EXOC6: variants seen among roughly 807,000 people sequenced by gnomAD.
EXOC6 encodes SEC15-like 1.
In EXOC6, 60 loss-of-function variants were observed where a neutral mutation model predicts 112.5. The ratio of observed to expected loss-of-function variants is 0.53; its 90% confidence interval spans 0.43 to 0.66. The LOEUF is 0.66. Ranked by LOEUF, EXOC6 falls within the 30% of genes least tolerant of loss-of-function variation. The pLI is 0.00. For missense variants in EXOC6, 855 were observed against 957.1 expected (o/e 0.89, Z 1.41); for synonymous variants, 295 against 308.0 (o/e 0.96, Z 0.44).
chr10:93,041,585 T>G (rs1258459586), intron 20 of EXOC6, among the ~76,000 whole-genome samples: 1 of 151,972 alleles, frequency 6.6e-6, no homozygotes, highest in African/African-American at 2.4e-5. Context: ...TAATTTTTTT[T>G]GTATTTTTAA....
intron 1 of EXOC6, chr10:92,834,893 A>G: frequency 2.4e-6 from 2 of 846,292 alleles, no homozygotes; most frequent in Non-Finnish European, 3.8e-6. Flanking sequence ...CCTGCTTTTT[A>G]TAATTCTTTA....
At position 93,058,811 on chromosome 10, in the gene EXOC6, T is replaced by G. The variant is rs753032839; in HGVS notation, c.*456T>G. 6.6e-6 allele frequency: 1 copy of G among 152,260 alleles called. No homozygotes were observed. Among genetic ancestry groups the G allele is most frequent in the Non-Finnish European group, 1.5e-5 (1 of 68,076 alleles). 9.4% of individuals were successfully genotyped at this position (152,260 alleles called of 1,614,324 possible). ...GCTTTTATTTTCACCTCAATGTGATTTAAGCAGACCAAAATTTCTAATTCT... is the reference window on the plus strand; with the variant it reads ...GCTTTTATTTTCACCTCAATGTGATGTAAGCAGACCAAAATTTCTAATTCT... On this transcript the variant is annotated 3_prime_UTR_variant, in exon 22 of 22. Transcript: ENST00000260762.
upstream of EXOC6, among the ~76,000 whole-genome samples, chr10:92,833,758 G>A (rs1846566321): frequency 6.6e-6 from 1 of 152,190 alleles, no homozygotes; most frequent in African/African-American, 2.4e-5. Flanking sequence ...TGTATTTCTT[G>A]TATTAAGCAA....
At chr10:92,877,221 A>G (rs1848721048) in intron 1 of EXOC6, among the ~76,000 whole-genome samples, 1 of 152,202 alleles carries the variant, frequency 6.6e-6, no homozygotes, top group Non-Finnish European at 1.5e-5. Context: ...ATCAGCAATG[A>G]ATGTATTACT....
At chr10:92,950,178 A>G (rs186192086) in intron 14 of EXOC6, among the ~76,000 whole-genome samples, 1 of 152,128 alleles carries the variant, frequency 6.6e-6, no homozygotes, top group Non-Finnish European at 1.5e-5. Flanking sequence ...CAACTGAAAA[A>G]TAAATCTCAT....
intron 14 of EXOC6, 31 bp from the exon 15 acceptor site, chr10:92,952,242 C>A (rs747559475): frequency 3.5e-6 from 5 of 1,422,006 alleles, no homozygotes; most frequent in South Asian, 1.2e-5. Flanking sequence ...TCTAAAATTT[C>A]AAAAACAATA....
chr10:92,855,123 G>T (rs567934856), intron 1 of EXOC6, among the ~76,000 whole-genome samples: 1 of 152,168 alleles, frequency 6.6e-6, no homozygotes, highest in South Asian at 2.1e-4. Context: ...TCACTGTGTT[G>T]CCCAGACTGA....
At chr10:92,938,926 A>G (rs1852504929) in intron 12 of EXOC6, among the ~76,000 whole-genome samples, 1 of 152,154 alleles carries the variant, frequency 6.6e-6, no homozygotes, top group Non-Finnish European at 1.5e-5. Flanking sequence ...GTTTTGAAGG[A>G]TGAGTTCAGC....
At chr10:92,877,853 A>G (rs1848750190) in intron 1 of EXOC6, among the ~76,000 whole-genome samples, 1 of 152,234 alleles carries the variant, frequency 6.6e-6, no homozygotes, top group Non-Finnish European at 1.5e-5. Flanking sequence ...TTTTGTCATT[A>G]GGAAAAGGAT....
intron 8 of EXOC6, among the ~76,000 whole-genome samples, chr10:92,926,063 A>C (rs535058347): frequency 2.4e-4 from 37 of 151,870 alleles, no homozygotes; most frequent in Admixed American, 6.6e-4. Flanking sequence ...AAAAAAAAAA[A>C]AAAACAAATG....
At chr10:93,023,246 C>T (rs1488792318) in intron 20 of EXOC6, among the ~76,000 whole-genome samples, 4 of 152,050 alleles carry the variant, frequency 2.6e-5, no homozygotes, top group African/African-American at 9.7e-5. Context: ...ATTTGCTGTT[C>T]TGAATAGAGG....
intron 21 of EXOC6, among the ~76,000 whole-genome samples, chr10:93,057,473 GA>G (rs533360205): frequency 6.8e-5 from 10 of 147,744 alleles, no homozygotes; most frequent in South Asian, 2.1e-4. Flanking sequence ...TATGTGATTT[GA>G]AAAAAAAAAT....
rs556747907 is a variant in EXOC6 at position 92,869,600 on chromosome 10, G to A, written c.101+20966G>A. Reference sequence around the variant, plus strand: ...ATTGGGATTGTAGATGTGAGCCACCGTGCCTAGACAGGGGCCTTACATTGT... The same window carrying A: ...ATTGGGATTGTAGATGTGAGCCACCATGCCTAGACAGGGGCCTTACATTGT... On this transcript the variant is annotated intron_variant, in intron 1 of 21. Transcript: ENST00000260762. Among the ~76,000 whole-genome samples, 121 of 152,198 alleles carry A rather than the reference G, an allele frequency of 8.0e-4. No homozygotes were observed. The Middle Eastern group carries it at 0.01, about 13-fold the overall frequency.
intron 18 of EXOC6, 75 bp from the exon 19 acceptor site, chr10:92,997,385 AATGCCAGGTGTATG>A: frequency 7.9e-7 from 1 of 1,266,998 alleles, no homozygotes. Context: ...CAACAAAAAG[AATGCCAGGTGTATG>A]ATTTTTCTGA....
At chr10:93,031,264 A>G (rs1249924853) in intron 20 of EXOC6, among the ~76,000 whole-genome samples, 1 of 151,978 alleles carries the variant, frequency 6.6e-6, no homozygotes, top group Non-Finnish European at 1.5e-5. Context: ...TTAAAAAAAA[A>G]GTCATTTTGT....
intron 1 of EXOC6, among the ~76,000 whole-genome samples, chr10:92,858,678 G>T (rs1847747720): frequency 6.6e-6 from 1 of 152,056 alleles, no homozygotes; most frequent in Non-Finnish European, 1.5e-5. Context: ...CTTCTTTTTA[G>T]TTCTGTGAGC....
intron 1 of EXOC6, among the ~76,000 whole-genome samples, chr10:92,864,851 G>T (rs1353988288): frequency 6.6e-6 from 1 of 152,104 alleles, no homozygotes; most frequent in African/African-American, 2.4e-5. Flanking sequence ...TGGTTCTCCA[G>T]CTTGCAGACG....
At chr10:92,992,577 C>T (rs542278708) in intron 18 of EXOC6, among the ~76,000 whole-genome samples, 1 of 152,072 alleles carries the variant, frequency 6.6e-6, no homozygotes, top group South Asian at 2.1e-4. Context: ...TACATTTGAA[C>T]AAGATGTTCC....
In EXOC6 at chr10:92,848,602, C is replaced by T. The variant is rs1343985258; in HGVS notation, c.69C>T (p.Ser23=). ...AGCGGATCTTGCAGGAGATCGAGAG[C>T]ACCGACACCGCCTGTGTGGGGCCCA... ...EHERILQEIE[S]TDTACVGPTL... The change falls in exon 1 of 22, where the codon AGC becomes AGT. Residue 23 remains serine, a synonymous_variant. Coordinates refer to ENST00000260762, the MANE Select transcript of EXOC6 (RefSeq NM_019053.6). 3 of 1,451,626 alleles carry T rather than the reference C, an allele frequency of 2.1e-6. No individual in the cohort carries two copies. The highest frequency in any genetic ancestry group is 2.0e-5 in the Admixed American group (1 of 49,216). 89.9% of individuals were successfully genotyped at this position (1,451,626 alleles called of 1,614,324 possible).
Sources: gnomAD v4.1 joint callset for allele counts (sites outside exome capture counted in the v4.1 genomes callset) on GRCh38, gnomAD v4.1.1 for gene constraint, MANE v1.5 for transcripts, NCBI Gene and HGNC (gene_info 2026-07-23, HGNC 2026-07-21) for gene names.